The following NAALAD2 variants were observed in gnomAD, a reference collection of about 807,000 sequenced individuals.
The protein encoded by NAALAD2 is N-acetylated-alpha-linked acidic dipeptidase 2.
A neutral mutation model predicts 95.6 loss-of-function variants in NAALAD2; 89 were observed. The observed-to-expected ratio is 0.93, with a 90% CI of 0.78 to 1.11. The LOEUF is 1.11. Among genes scored for constraint, NAALAD2 ranks in the 50% least tolerant of loss-of-function variants. The pLI is 0.00. For missense variants in NAALAD2, 894 were observed against 872.4 expected, an observed-to-expected ratio of 1.02 and a Z score of -0.31; for synonymous variants, 264 against 294.4, an observed-to-expected ratio of 0.90 and a Z score of 1.06.
At chr11:90,135,814 T>C in intron 2 of NAALAD2, 144 bp downstream of exon 2, 1 of 576,188 alleles carries the variant, frequency 1.7e-6, no homozygotes, top group African/African-American at 1.9e-5. Flanking sequence ...TTTTTTTTAA[T>C]GTCTCTTTAC....
chr11:90,134,236 A>T (rs146079133), upstream of NAALAD2, among the ~76,000 whole-genome samples: 815 of 152,292 alleles, frequency 5.4e-3, 3 homozygotes, highest in African/African-American at 0.019. Context: ...ATCGATTTTG[A>T]TGCTGACAGT....
At chr11:90,176,873 TAA>T (rs768935521) in intron 15 of NAALAD2, among the ~76,000 whole-genome samples, 3 of 152,276 alleles carry the variant, frequency 2.0e-5, no homozygotes, top group Non-Finnish European at 4.4e-5. Flanking sequence ...CCAAAATAGA[TAA>T]ACTCAGAATG....
At chr11:90,132,108 A>G (rs577235842), upstream of NAALAD2, 5 of 152,756 alleles carry the variant, frequency 3.3e-5, no homozygotes. Flanking sequence ...TATATTGACA[A>G]AAGTCCAAAG....
At chr11:90,187,899 G>A (rs1210117668) in intron 18 of NAALAD2, among the ~76,000 whole-genome samples, 2 of 152,106 alleles carry the variant, frequency 1.3e-5, no homozygotes, top group African/African-American at 4.8e-5. Flanking sequence ...TGTATGTATT[G>A]TTAAAACAAA....
At chr11:90,180,877 T>C (rs1031760572) in intron 16 of NAALAD2, among the ~76,000 whole-genome samples, 1 of 152,110 alleles carries the variant, frequency 6.6e-6, no homozygotes, top group Non-Finnish European at 1.5e-5. Flanking sequence ...GAGCACTACA[T>C]TGAATCCACA....
chr11:90,135,338 T>G (rs1951427440), intron 1 of NAALAD2, among the ~76,000 whole-genome samples: 1 of 152,202 alleles, frequency 6.6e-6, no homozygotes, highest in African/African-American at 2.4e-5. Context: ...AAAGAGCTTC[T>G]CTTAAATAAA....
chr11:90,141,780 T>A (rs528308183), intron 2 of NAALAD2, among the ~76,000 whole-genome samples: 1 of 152,286 alleles, frequency 6.6e-6, no homozygotes, highest in South Asian at 2.1e-4. Context: ...GTTTGTTTGT[T>A]TGTTTTGGTT....
chr11:90,181,699 C>T lies in NAALAD2; in HGVS notation c.1938C>T (p.Asn646=), dbSNP rs1463816949. The T allele has an allele frequency of 6.6e-7, 1 of 1,521,906 alleles. No homozygotes were observed. The allele number at this position is 1,521,906 out of a possible 1,614,324, so 94.3% of individuals were successfully genotyped here. A position where few individuals can be genotyped will look rare whatever the true frequency, so the allele number is the denominator to read the frequency against. ...AACGACTTATACAAGTTGATCTTAA[C>T]AAGTAAGTTTCAAATCCCTTTTTTT... The part of the protein sequence containing the change: ...FHKRLIQVDL[N]NPIAVRMMND... Residue 646 remains asparagine, a splice_region_variant and synonymous_variant, in exon 17 of 19, where the codon AAC becomes AAT. Transcript: ENST00000534061.
chr11:90,135,572 G>T lies in NAALAD2; in HGVS notation c.96G>T (p.Lys32Asn). ...TTTTTTCCTTAGGCTGGTTTATTAA[G>T]CCTCTCAAAGAAACGACCACTTCTG... ...LMGFMVGWFI[K>N]PLKETTTSVR... Residue 32 changes from lysine (K) to asparagine (N), a missense_variant, in exon 2 of 19, where the codon AAG (lysine) becomes AAT (asparagine). Lys to Asn is a moderately conservative substitution (Grantham distance 94). Transcript: ENST00000534061. 6.2e-7 allele frequency: 1 copy of T among 1,609,212 alleles called. No homozygotes were observed. The highest frequency in any genetic ancestry group is 8.5e-7 in the Non-Finnish European group (1 of 1,177,390).
chr11:90,146,072 C>T (rs1951743334), intron 2 of NAALAD2, among the ~76,000 whole-genome samples: 1 of 151,990 alleles, frequency 6.6e-6, no homozygotes. Context: ...CCAGTTCCAG[C>T]ATTTATTAGC....
At chr11:90,174,461 C>T (rs2134962237) in intron 14 of NAALAD2, among the ~76,000 whole-genome samples, 1 of 152,132 alleles carries the variant, frequency 6.6e-6, no homozygotes, top group East Asian at 1.9e-4. Context: ...AATAGTTTCG[C>T]TACATTATTA....
chr11:90,142,335 T>A (rs1951640947), intron 2 of NAALAD2, among the ~76,000 whole-genome samples: 1 of 152,150 alleles, frequency 6.6e-6, no homozygotes, highest in Admixed American at 6.5e-5. Context: ...CTGAGGCTCA[T>A]TCATTAGGCA....
upstream of NAALAD2, among the ~76,000 whole-genome samples, chr11:90,132,428 A>T (rs950412383): frequency 6.6e-6 from 1 of 152,192 alleles, no homozygotes; most frequent in African/African-American, 2.4e-5. Flanking sequence ...TTTCCTGGAG[A>T]TAATTTTGAT....
chr11:90,142,174 C>A (rs1005731653), intron 2 of NAALAD2, among the ~76,000 whole-genome samples: 3 of 151,862 alleles, frequency 2.0e-5, no homozygotes, highest in Non-Finnish European at 2.9e-5. Flanking sequence ...TATGATTTTT[C>A]TTTTTTAGCT....
intron 6 of NAALAD2, among the ~76,000 whole-genome samples, chr11:90,155,660 TA>T (rs1952081006): frequency 2.6e-5 from 1 of 37,804 alleles, no homozygotes; most frequent in African/African-American, 2.1e-4. Context: ...CATATGTATG[TA>T]TTATTATTGT....
chr11:90,170,039 A>G, intron 12 of NAALAD2, 30 bp from the exon 13 acceptor site: 1 of 1,323,040 alleles, frequency 7.6e-7, no homozygotes, highest in Non-Finnish European at 1.1e-6. Context: ...GAAGTATGAA[A>G]TAATACTCTG....
chr11:90,170,501 C>A (rs1451018207), intron 13 of NAALAD2, among the ~76,000 whole-genome samples: 1 of 152,142 alleles, frequency 6.6e-6, no homozygotes, highest in Non-Finnish European at 1.5e-5. Context: ...ACTGAGTGGT[C>A]ACTATATGTC....
intron 17 of NAALAD2, 93 bp from the exon 18 acceptor site, chr11:90,182,823 A>C: frequency 1.2e-6 from 1 of 853,038 alleles, no homozygotes; most frequent in Non-Finnish European, 1.9e-6. Flanking sequence ...AATTTTAGAA[A>C]TATATTTTCC....
intron 17 of NAALAD2, among the ~76,000 whole-genome samples, 156 bp downstream of exon 17, chr11:90,181,857 T>C (rs1321491548): frequency 6.6e-6 from 1 of 152,016 alleles, no homozygotes; most frequent in Non-Finnish European, 1.5e-5. Context: ...GAGAACTTGT[T>C]AGAAAGGCAA....
Sources: gnomAD v4.1 joint callset for allele counts (sites outside exome capture counted in the v4.1 genomes callset) on GRCh38, gnomAD v4.1.1 for gene constraint, MANE v1.5 for transcripts, NCBI Gene and HGNC (gene_info 2026-07-23, HGNC 2026-07-21) for gene names.